NUFIP2: variants seen among roughly 807,000 people sequenced by gnomAD.
The protein encoded by NUFIP2 is nuclear FMR1 interacting protein 2.
Under a neutral mutation model 56.9 loss-of-function variants are expected in NUFIP2, and 6 were observed. That is an observed-to-expected ratio of 0.11 (90% CI 0.06 to 0.21). The LOEUF is 0.21. Among genes scored for constraint, NUFIP2 ranks in the 10% least tolerant of loss-of-function variants. NUFIP2 has a pLI of 1.00. For synonymous variants in NUFIP2, 321 were observed against 298.2 expected, an observed-to-expected ratio of 1.08 and a Z score of -0.79; for missense variants, 828 against 826.8, an observed-to-expected ratio of 1.00 and a Z score of -0.02.
chr17:29,283,222 T>C (rs1180112393), intron 2 of NUFIP2, among the ~76,000 whole-genome samples: 1 of 152,188 alleles, frequency 6.6e-6, no homozygotes, highest in Non-Finnish European at 1.5e-5. Context: ...ATAGGGAAAA[T>C]GCATAAAGAG....
In NUFIP2 at chr17:29,267,420, C is replaced by G. The variant is rs578142121; in HGVS notation, c.2035+78G>C. The G allele has an allele frequency of 8.0e-6, 6 of 752,112 alleles. No homozygotes were observed. The African/African-American group carries it at 9.2e-5, about 12-fold the overall frequency. The allele number at this position is 752,112 out of a possible 1,614,324, so 46.6% of individuals were successfully genotyped here. ...CAAAGTCTATTTGGTAAATTACCAC[C>G]CATCTGTTAATCCCACCCAAAAATA... is the stretch of plus-strand genomic sequence containing the variant. On this transcript the variant is annotated intron_variant, in intron 3 of 3. Coordinates refer to ENST00000225388, the MANE Select transcript of NUFIP2 (RefSeq NM_020772.3).
At chr17:29,277,873 C>T (rs776955081) in intron 2 of NUFIP2, among the ~76,000 whole-genome samples, 1 of 151,922 alleles carries the variant, frequency 6.6e-6, no homozygotes, top group African/African-American at 2.4e-5. Flanking sequence ...ATTAGCCAAG[C>T]GTGGTGATGC....
Position 29,293,889 on chromosome 17 carries a change from G to A in NUFIP2, c.171C>T (p.Tyr57=), listed in dbSNP as rs1269447341. ...GGCTGCCCTCGGCTCCATGCTGCAG[G>A]TATTGGTGAGGCTGCTGGTGATGAT... ...HHHHHQQPHQ[Y]LQHGAEGSPK... is the part of the protein sequence containing the mutation. Residue 57 remains tyrosine (Y), a synonymous_variant, in exon 1 of 4, where the codon TAC becomes TAT. Transcript: ENST00000225388. 2 of 1,614,068 alleles carry A rather than the reference G, an allele frequency of 1.2e-6. No individual in the cohort carries two copies. Among genetic ancestry groups the A allele is most frequent in the Admixed American group, 3.3e-5 (2 of 60,014 alleles).
rs192536343 is a variant in NUFIP2, at chr17:29,269,457, A to C, written c.2003-1927T>G. 1.2e-4 allele frequency among the ~76,000 whole-genome samples: 18 copies of C among 152,234 alleles called. No homozygotes were observed. The East Asian group carries it at 1.9e-3, about 16-fold the overall frequency. ...CAGGGAATGGTAGAATCACATTCCT[A>C]TCTCTCTCCCTACTCCCCTAGCAAA... is the stretch of plus-strand genomic sequence containing the variant. On this transcript the variant is annotated intron_variant, in intron 2 of 3. Transcript: ENST00000225388.
rs1052241564 is a variant in NUFIP2 at position 29,259,958 on chromosome 17, C to T, written c.*4581G>A. ...CTCCCAGGTGGTCCTGGTTCTCACA[C>T]AGGTGATGTATATTTTAAAAGAAAC... On this transcript the variant is annotated 3_prime_UTR_variant, in exon 4 of 4. Coordinates refer to ENST00000225388, the MANE Select transcript of NUFIP2 (RefSeq NM_020772.3). 1.3e-5 allele frequency: 2 copies of T among 152,192 alleles called. No individual in the cohort carries two copies. The highest frequency in any genetic ancestry group is 4.8e-5 in the African/African-American group (2 of 41,452). The allele number at this position is 152,192 out of a possible 1,614,324, so 9.4% of individuals were successfully genotyped here. A position where few individuals can be genotyped will look rare whatever the true frequency, so the allele number is the denominator to read the frequency against.
Position 29,286,512 on chromosome 17 carries a change from T to C in NUFIP2, c.1482A>G (p.Thr494=). The part of the protein sequence containing the change: ...STAQVDLPSQ[T]DQQNLGDIFQ... ...AGATATCCCCCAGGTTTTGCTGATC[T>C]GTCTGAGAGGGCAGATCCACTTGTG... Residue 494 remains threonine, a synonymous_variant, in exon 2 of 4, where the codon ACA becomes ACG. Coordinates refer to ENST00000225388, the MANE Select transcript of NUFIP2 (RefSeq NM_020772.3). 1 of 1,614,236 alleles carries C rather than the reference T, an allele frequency of 6.2e-7. No homozygotes were observed. Among genetic ancestry groups the C allele is most frequent in the South Asian group, 1.1e-5 (1 of 91,086 alleles).
intron 2 of NUFIP2, among the ~76,000 whole-genome samples, chr17:29,278,309 C>T (rs371029731): frequency 1.3e-5 from 2 of 151,796 alleles, no homozygotes; most frequent in African/African-American, 4.8e-5. Flanking sequence ...TGCAGTGGCG[C>T]GATCTCGGCT....
At chr17:29,282,218 G>A (rs1292372152) in intron 2 of NUFIP2, among the ~76,000 whole-genome samples, 4 of 151,968 alleles carry the variant, frequency 2.6e-5, no homozygotes, top group East Asian at 1.9e-4. Flanking sequence ...AGAAGCTGCC[G>A]CCATGCACTT....
intron 2 of NUFIP2, among the ~76,000 whole-genome samples, chr17:29,273,451 C>A (rs965431143): frequency 6.6e-6 from 1 of 152,086 alleles, no homozygotes; most frequent in East Asian, 1.9e-4. Flanking sequence ...GGACTACAGG[C>A]GTGAGCCATC....
In NUFIP2 at chr17:29,286,889, T is replaced by C. The variant is rs1598435652; in HGVS notation, c.1105A>G (p.Thr369Ala). ...GGTGACACAGAAGAGTTCTGTATAG[T>C]TTTGTTGAGGTTTTCCTTAACTTTG... is the stretch of plus-strand genomic sequence containing the variant. ...ASKVKENLNK[T>A]IQNSSVSPTS... is the part of the protein sequence containing the mutation. Residue 369 changes from threonine (T) to alanine (A), a missense_variant, in exon 2 of 4, where the codon ACT becomes GCT. Around this residue, in one of 3 missense-constraint regions of NUFIP2, gnomAD observed 404 missense variants for 380.3 expected, o/e 1.06. Transcript: ENST00000225388. 6.2e-7 allele frequency: 1 copy of C among 1,614,154 alleles called. No homozygotes were observed. Among genetic ancestry groups the C allele is most frequent in the East Asian group, 2.2e-5 (1 of 44,892 alleles).
intron 2 of NUFIP2, among the ~76,000 whole-genome samples, chr17:29,270,290 A>C (rs1390609344): frequency 6.6e-6 from 1 of 151,508 alleles, no homozygotes; most frequent in African/African-American, 2.4e-5. Flanking sequence ...TGAGAGGTCT[A>C]AAAAGGGGAG....
chr17:29,285,720 G>A (rs2069169227), intron 2 of NUFIP2, among the ~76,000 whole-genome samples: 1 of 152,058 alleles, frequency 6.6e-6, no homozygotes, highest in African/African-American at 2.4e-5. Context: ...CTTTAAGCAA[G>A]TTCTCCTCAC....
At position 29,280,712 on chromosome 17, in the gene NUFIP2, G is replaced by A. The variant is rs182530472; in HGVS notation, c.2002+5280C>T. Among the ~76,000 whole-genome samples the A allele has an allele frequency of 5.9e-5, 9 of 151,884 alleles. No homozygotes were observed. In the East Asian group the frequency reaches 1.7e-3, roughly 29 times the overall value. ...TAAAAAAGAGCCATCACAGCCAGGT[G>A]TGGTGGCTCATGCCTGTAATCCCAG... On this transcript the variant is annotated intron_variant, in intron 2 of 3. Transcript: ENST00000225388.
At chr17:29,292,536 G>A (rs1443883960) in intron 1 of NUFIP2, among the ~76,000 whole-genome samples, 1 of 151,638 alleles carries the variant, frequency 6.6e-6, no homozygotes. Flanking sequence ...CGTGACCGGG[G>A]AGCTGGGTTC....
At chr17:29,266,492 C>G (rs1567675646) in intron 3 of NUFIP2, among the ~76,000 whole-genome samples, 1 of 151,884 alleles carries the variant, frequency 6.6e-6, no homozygotes, top group Non-Finnish European at 1.5e-5. Context: ...TCACATCCAT[C>G]TGAAATTCAC....
At chr17:29,277,077 T>G (rs1470088359) in intron 2 of NUFIP2, among the ~76,000 whole-genome samples, 2 of 152,116 alleles carry the variant, frequency 1.3e-5, no homozygotes, top group East Asian at 3.9e-4. Flanking sequence ...CAGACTAGAG[T>G]GCAACAGCAC....
In NUFIP2 at chr17:29,256,887, A is replaced by ATGG. The variant is rs2068974440; in HGVS notation, c.*7651_*7652insCCA. On this transcript the variant is annotated 3_prime_UTR_variant, in exon 4 of 4. Transcript: ENST00000225388. ...AACCAGTGCTTTGATCTTACAAACAACTGAATAATTCTAATCTCAAGCCAG... is the reference window on the plus strand; with the variant it reads ...AACCAGTGCTTTGATCTTACAAACAATGGCTGAATAATTCTAATCTCAAGCCAG... 6.6e-6 allele frequency: 1 copy of ATGG among 152,230 alleles called. No homozygotes were observed. Among genetic ancestry groups the ATGG allele is most frequent in the African/African-American group, 2.4e-5 (1 of 41,472 alleles). The allele number at this position is 152,230 out of a possible 1,614,324, so 9.4% of individuals were successfully genotyped here. A position where few individuals can be genotyped will look rare whatever the true frequency, so the allele number is the denominator to read the frequency against.
intron 2 of NUFIP2, among the ~76,000 whole-genome samples, chr17:29,277,691 C>T (rs971261995): frequency 1.3e-5 from 2 of 152,042 alleles, no homozygotes; most frequent in Non-Finnish European, 2.9e-5. Context: ...CACCCTTTTT[C>T]AGTTTGACAA....
chr17:29,275,558 ACAC>A (rs2069102740), intron 2 of NUFIP2, among the ~76,000 whole-genome samples: 2 of 152,180 alleles, frequency 1.3e-5, no homozygotes, highest in African/African-American at 4.8e-5. Flanking sequence ...CAAAGGTAAG[ACAC>A]TTGCAACTTT....
Sources: gnomAD v4.1 joint callset for allele counts (sites outside exome capture counted in the v4.1 genomes callset) on GRCh38, gnomAD v4.1.1 for gene constraint, gnomAD v4.1.1 regional missense constraint, MANE v1.5 for transcripts, NCBI Gene and HGNC (gene_info 2026-07-23, HGNC 2026-07-21) for gene names.